Variants in ZNF451 observed in about 807,000 individuals in gnomAD.
ZNF451 encodes zinc finger protein 451.
In ZNF451, 80 loss-of-function variants were observed where a neutral mutation model predicts 107.1. That is an observed-to-expected ratio of 0.75 (90% CI 0.62 to 0.90). ZNF451 has a LOEUF of 0.90. Among genes scored for constraint, ZNF451 ranks in the 40% least tolerant of loss-of-function variants. The pLI is 0.00. For missense variants in ZNF451, 1,107 were observed against 1,236.2 expected, an observed-to-expected ratio of 0.90 and a Z score of 1.57; for synonymous variants, 362 against 406.5, an observed-to-expected ratio of 0.89 and a Z score of 1.32.
chr6:57,135,852 A>G (rs899086951), intron 7 of ZNF451, among the ~76,000 whole-genome samples: 2 of 152,188 alleles, frequency 1.3e-5, no homozygotes, highest in African/African-American at 4.8e-5. Flanking sequence ...GATTTACCGA[A>G]TAAATATTAG....
chr6:57,108,088 C>T, intron 3 of ZNF451: 2 of 891,474 alleles, frequency 2.2e-6, no homozygotes, highest in Non-Finnish European at 2.7e-6. Flanking sequence ...ATCCACCTAC[C>T]TTGGCCTCCC....
chr6:57,149,118 A>G (rs939360343), intron 10 of ZNF451, among the ~76,000 whole-genome samples: 1 of 152,282 alleles, frequency 6.6e-6, no homozygotes, highest in East Asian at 1.9e-4. Context: ...AGACATTTTA[A>G]AGGTCATTTC....
rs770686115 is a variant in ZNF451, at chr6:57,147,561, A to G, written c.1476A>G (p.Ser492=). 4 of 1,614,168 alleles carry G rather than the reference A, an allele frequency of 2.5e-6. No individual in the cohort carries two copies. Among genetic ancestry groups the G allele is most frequent in the Non-Finnish European group, 1.7e-6 (2 of 1,179,990 alleles). Residue 492 remains serine (S), a synonymous_variant, in exon 10 of 15, where the codon TCA becomes TCG. Coordinates refer to ENST00000370706, the MANE Select transcript of ZNF451 (RefSeq NM_001031623.3). ...ATGCAGTAGAAAAGCATGTTTTCTC[A>G]GCAAACACAATGGGTTATAAATGTG... ...SEDAVEKHVF[S]ANTMGYKCVV...
chr6:57,128,632 A>C, intron 4 of ZNF451, 97 bp from the exon 5 acceptor site: 1 of 733,630 alleles, frequency 1.4e-6, no homozygotes, highest in Non-Finnish European at 2.3e-6. Context: ...TGGGGATAAA[A>C]AGTAATCAGT....
At chr6:57,117,139 A>G (rs1276417774) in intron 3 of ZNF451, among the ~76,000 whole-genome samples, 2 of 152,112 alleles carry the variant, frequency 1.3e-5, no homozygotes, top group African/African-American at 4.8e-5. Context: ...ATACAAGTTG[A>G]GTGTCCTTTA....
rs150328251 is a variant in ZNF451, at chr6:57,137,152, C to G, written c.702+2282C>G. Among the ~76,000 whole-genome samples the G allele has an allele frequency of 6.6e-5, 10 of 152,318 alleles. No individual in the cohort carries two copies. In the East Asian group the frequency reaches 1.9e-3, roughly 29 times the overall value. Reference sequence around the variant, plus strand: ...TTATTCCTTGACATTTGTGTCACCACAAGGACTCTAAAGAAAACTAGTATG... The same window carrying G: ...TTATTCCTTGACATTTGTGTCACCAGAAGGACTCTAAAGAAAACTAGTATG... On this transcript the variant is annotated intron_variant, in intron 7 of 14. Transcript: ENST00000370706.
chr6:57,161,093 G>A lies in ZNF451; in HGVS notation c.3080G>A (p.Ser1027Asn), dbSNP rs1233271970. 1.9e-6 allele frequency: 3 copies of A among 1,558,302 alleles called. No homozygotes were observed. The highest frequency in any genetic ancestry group is 4.3e-5 in the Admixed American group (2 of 46,504). The change falls in exon 14 of 15, where the codon AGT (serine) becomes AAT (asparagine). Residue 1027 changes from serine to asparagine, a missense_variant. By Grantham distance (46) the Ser-to-Asn change is conservative. Around this residue, in one of 5 missense-constraint regions of ZNF451, gnomAD observed 151 missense variants for 173.3 expected, o/e 0.87. Coordinates refer to ENST00000370706, the MANE Select transcript of ZNF451 (RefSeq NM_001031623.3). ...TGATTCTTCTTTACAGAATGTGACA[G>A]TGATGATAACATGGGTGCCAAAAAT... Reference protein sequence around the residue: ...SISDTTKECDSDDNMGAKNTS... With the variant: ...SISDTTKECDNDDNMGAKNTS...
intron 2 of ZNF451, among the ~76,000 whole-genome samples, chr6:57,096,174 C>CTTTTTT (rs1215991627): frequency 8.9e-6 from 1 of 112,556 alleles, no homozygotes; most frequent in African/African-American, 3.4e-5. Flanking sequence ...TTCTTTCTTT[C>CTTTTTT]TGTTTTTTTT....
rs112450722 is a variant in ZNF451, at chr6:57,144,186, A to G, written c.1004+2091A>G. On this transcript the variant is annotated intron_variant, in intron 9 of 14. Transcript: ENST00000370706. ...TTATGTGAAAAATAGTTGAAATTAT[A>G]TACCCTAAATGGATGAATTATATGG... is the stretch of plus-strand genomic sequence containing the variant. Among the ~76,000 whole-genome samples, 102 of 151,060 alleles carry G rather than the reference A, an allele frequency of 6.8e-4. 2 individuals carry two copies. The highest frequency in any genetic ancestry group is 2.2e-3 in the African/African-American group (90 of 41,056).
chr6:57,103,473 A>G, intron 3 of ZNF451: 7 of 985,430 alleles, frequency 7.1e-6, no homozygotes, highest in Non-Finnish European at 8.4e-6. Flanking sequence ...CTGGCAGCAG[A>G]TACCTCAATT....
At chr6:57,153,238 A>T (rs1397070971) in intron 12 of ZNF451, among the ~76,000 whole-genome samples, 3 of 152,048 alleles carry the variant, frequency 2.0e-5, no homozygotes, top group African/African-American at 7.2e-5. Context: ...ATTTACCCTT[A>T]TATTGAGCGT....
chr6:57,154,193 T>A (rs892230061), intron 13 of ZNF451, 146 bp downstream of exon 13: 78 of 753,778 alleles, frequency 1.0e-4, no homozygotes, highest in African/African-American at 9.7e-4. Context: ...TTATCTTTTT[T>A]AAAAAAATCT....
At chr6:57,163,100 C>A (rs1240900887) in intron 14 of ZNF451, among the ~76,000 whole-genome samples, 1 of 152,136 alleles carries the variant, frequency 6.6e-6, no homozygotes, top group African/African-American at 2.4e-5. Flanking sequence ...TTGCACTTTT[C>A]TCTAACACCC....
At chr6:57,158,811 G>A (rs2127986441) in intron 13 of ZNF451, 11 of 985,446 alleles carry the variant, frequency 1.1e-5, no homozygotes, top group Non-Finnish European at 1.3e-5. Context: ...ATAAGCCTGA[G>A]ACTGTCATAT....
In ZNF451 at chr6:57,099,514, C is replaced by G. The variant is rs776328003; in HGVS notation, c.186+373C>G. 1.5e-4 allele frequency: 111 copies of G among 716,792 alleles called. No individual in the cohort carries two copies. In the Admixed American group the frequency reaches 2.1e-3, roughly 14 times the overall value. The allele number at this position is 716,792 out of a possible 1,614,324, so 44.4% of individuals were successfully genotyped here. A position where few individuals can be genotyped will look rare whatever the true frequency, so the allele number is the denominator to read the frequency against. On this transcript the variant is annotated intron_variant, in intron 3 of 14. Coordinates refer to ENST00000370706, the MANE Select transcript of ZNF451 (RefSeq NM_001031623.3). ...CTTTTGTTCCAGAACCACATGACCA[C>G]AGAAAATTTGTTTTCTCTTAGAAAA... is the stretch of plus-strand genomic sequence containing the variant.
At chr6:57,121,371 C>T (rs1304971517) in intron 3 of ZNF451, among the ~76,000 whole-genome samples, 2 of 152,030 alleles carry the variant, frequency 1.3e-5, no homozygotes, top group Non-Finnish European at 2.9e-5. Context: ...TTTTTTGCCT[C>T]TCCATATACA....
chr6:57,152,909 G>A (rs1832416076), intron 12 of ZNF451, among the ~76,000 whole-genome samples: 1 of 152,044 alleles, frequency 6.6e-6, no homozygotes, highest in Non-Finnish European at 1.5e-5. Flanking sequence ...TACTGTATTT[G>A]ATATATATTA....
intron 3 of ZNF451, chr6:57,109,435 T>C (rs1475842493): frequency 4.1e-6 from 4 of 985,456 alleles, no homozygotes; most frequent in Non-Finnish European, 4.8e-6. Flanking sequence ...TTTCTGAGCC[T>C]CAGTTTTCTT....
At chr6:57,163,443 T>C in intron 14 of ZNF451, among the ~76,000 whole-genome samples, 1 of 63,880 alleles carries the variant, frequency 1.6e-5, no homozygotes, top group African/African-American at 5.8e-5. Context: ...AAACTTTTTT[T>C]TTTTTTTTTT....
Sources: gnomAD v4.1 joint callset for allele counts (sites outside exome capture counted in the v4.1 genomes callset) on GRCh38, gnomAD v4.1.1 for gene constraint, gnomAD v4.1.1 regional missense constraint, MANE v1.5 for transcripts, NCBI Gene and HGNC (gene_info 2026-07-23, HGNC 2026-07-21) for gene names.